ENPP2: variants seen among roughly 807,000 people sequenced by gnomAD.
ENPP2 encodes the protein ectonucleotide pyrophosphatase/phosphodiesterase 2.
In ENPP2, 51 loss-of-function variants were observed where a neutral mutation model predicts 120.2. That is an observed-to-expected ratio of 0.42 (90% CI 0.34 to 0.54). ENPP2 has a LOEUF of 0.54. ENPP2 is among the 20% of genes least tolerant of loss of function. The pLI is 0.04. For synonymous variants in ENPP2, 365 were observed against 366.4 expected (o/e 1.00, Z 0.04); for missense variants, 920 against 1,066.5 (o/e 0.86, Z 1.91).
chr8:119,573,857 A>G (rs1812146062), intron 19 of ENPP2, among the ~76,000 whole-genome samples: 1 of 152,230 alleles, frequency 6.6e-6, no homozygotes, highest in Non-Finnish European at 1.5e-5. Flanking sequence ...ATAGCTTCCA[A>G]GCTATTGTCA....
At chr8:119,644,587 A>AATATATATATATAT (rs33966650) in intron 1 of ENPP2, among the ~76,000 whole-genome samples, 402 of 59,758 alleles carry the variant, frequency 6.7e-3, no homozygotes, top group South Asian at 9.9e-3. Context: ...AGATTACTAA[A>AATATATATATATAT]ATATATATAT....
intron 2 of ENPP2, among the ~76,000 whole-genome samples, chr8:119,633,142 G>T (rs1286622214): frequency 6.6e-6 from 1 of 152,166 alleles, no homozygotes; most frequent in Non-Finnish European, 1.5e-5. Context: ...TTTGGAAGGA[G>T]CCTAACCGAT....
chr8:119,667,707 T>C (rs889628523), intron 1 of ENPP2, among the ~76,000 whole-genome samples: 4 of 152,232 alleles, frequency 2.6e-5, no homozygotes, highest in African/African-American at 4.8e-5. Context: ...GTGGTCTCTG[T>C]CTTACCAGCC....
intron 22 of ENPP2, 93 bp from the exon 23 acceptor site, chr8:119,565,048 A>C: frequency 9.5e-7 from 1 of 1,054,540 alleles, no homozygotes; most frequent in Non-Finnish European, 1.4e-6. Context: ...TACGAGCCAA[A>C]TCTCACAAGC....
chr8:119,588,982 CCCCTCTCTGAG>C (rs1343845215), intron 13 of ENPP2, among the ~76,000 whole-genome samples: 1 of 152,160 alleles, frequency 6.6e-6, no homozygotes, highest in Non-Finnish European at 1.5e-5. Context: ...AGTTCCCTCA[CCCCTCTCTGAG>C]CCTCAATTTC....
rs1394856565 is a variant in ENPP2, at chr8:119,580,176, G to A, written c.1729-9C>T. ...AGTTCATCCAACTTGTTCTTCATGT[G>A]TGAAAACCAGTAAAGGAAAAAAGAA... On this transcript the variant is annotated splice_polypyrimidine_tract_variant and intron_variant, in intron 18 of 24. Coordinates refer to ENST00000075322, the MANE Select transcript of ENPP2 (RefSeq NM_001040092.3). 6.2e-7 allele frequency: 1 copy of A among 1,608,738 alleles called. No homozygotes were observed. Among genetic ancestry groups the A allele is most frequent in the South Asian group, 1.1e-5 (1 of 90,984 alleles).
intron 1 of ENPP2, among the ~76,000 whole-genome samples, chr8:119,668,429 C>CTTTTTTTTTTTTTTTTT (rs5894492): frequency 8.1e-5 from 9 of 110,548 alleles, no homozygotes; most frequent in Non-Finnish European, 1.3e-4. Context: ...TTTTCTTTTT[C>CTTTTTTTTTTTTTTTTT]TTTTTTTTTT....
intron 1 of ENPP2, among the ~76,000 whole-genome samples, chr8:119,671,867 G>A (rs780389388): frequency 3.9e-5 from 6 of 152,198 alleles, no homozygotes; most frequent in Non-Finnish European, 7.3e-5. Context: ...ATGAAGTGAA[G>A]CCCTTTAAGT....
rs1481266448 is a variant in ENPP2, at chr8:119,611,988, C to T, written c.778-4011G>A. 2.6e-5 allele frequency among the ~76,000 whole-genome samples: 4 copies of T among 152,234 alleles called. No homozygotes were observed. The East Asian group carries it at 5.8e-4, about 22-fold the overall frequency. On this transcript the variant is annotated intron_variant, in intron 8 of 24. Coordinates refer to ENST00000075322, the MANE Select transcript of ENPP2 (RefSeq NM_001040092.3). ...AGGTTGCTGTGAGCCGAGACTGTGC[C>T]ACTGCCCTCCAGCCTGGGCGACAGA...
At position 119,607,952 on chromosome 8, in the gene ENPP2, C is replaced by A. The variant is rs140117647; in HGVS notation, c.803G>T (p.Gly268Val). 1.1e-5 allele frequency: 18 copies of A among 1,610,684 alleles called. No homozygotes were observed. The highest frequency in any genetic ancestry group is 1.5e-5 in the Non-Finnish European group (18 of 1,178,192). Reference sequence around the variant, plus strand: ...CCAAAAGAATGTTCCAGCTTTCACCCCTTGCTTGGTGGCTGTAATCCATAG... The same window carrying A: ...CCAAAAGAATGTTCCAGCTTTCACCACTTGCTTGGTGGCTGTAATCCATAG... ...QPLWITATKQ[G>V]VKAGTFFWSV... Residue 268 changes from glycine to valine, a missense_variant, in exon 9 of 25, where the codon GGG becomes GTG. Transcript: ENST00000075322.
At chr8:119,660,900 G>A (rs1177036752) in intron 1 of ENPP2, among the ~76,000 whole-genome samples, 1 of 152,108 alleles carries the variant, frequency 6.6e-6, no homozygotes, top group Non-Finnish European at 1.5e-5. Context: ...CACAACAAAG[G>A]AAACCTTCAA....
chr8:119,657,330 T>A (rs1370674323), intron 1 of ENPP2, among the ~76,000 whole-genome samples: 1 of 152,226 alleles, frequency 6.6e-6, no homozygotes, highest in Non-Finnish European at 1.5e-5. Context: ...CCAGTCTGCA[T>A]CGTTCAAAGT....
intron 3 of ENPP2, among the ~76,000 whole-genome samples, chr8:119,622,018 T>A (rs575175006): frequency 6.6e-6 from 1 of 152,302 alleles, no homozygotes; most frequent in Non-Finnish European, 1.5e-5. Context: ...AACCTCCGCC[T>A]CCCTGGTTCA....
At chr8:119,636,843 A>G (rs1288680818) in intron 2 of ENPP2, among the ~76,000 whole-genome samples, 1 of 152,030 alleles carries the variant, frequency 6.6e-6, no homozygotes, top group African/African-American at 2.4e-5. Flanking sequence ...CTCATTGTAC[A>G]GCTAAGGAAA....
chr8:119,580,447 T>C (rs1282625581), intron 18 of ENPP2: 1 of 436,594 alleles, frequency 2.3e-6, no homozygotes, highest in Admixed American at 4.0e-5. Context: ...ATGTGGGTAC[T>C]GATGATGACT....
chr8:119,644,397 C>A, intron 1 of ENPP2, among the ~76,000 whole-genome samples: 1 of 151,090 alleles, frequency 6.6e-6, no homozygotes, highest in Non-Finnish European at 1.5e-5. Flanking sequence ...AGTATGACTC[C>A]TGAATTAATA....
intron 1 of ENPP2, among the ~76,000 whole-genome samples, chr8:119,652,076 T>C (rs1817642734): frequency 6.6e-6 from 1 of 152,264 alleles, no homozygotes; most frequent in Admixed American, 6.5e-5. Flanking sequence ...CATAAATGTA[T>C]TTTTCATAGT....
At chr8:119,618,549 C>CT (rs1815641868) in intron 5 of ENPP2, 13 of 316,252 alleles carry the variant, frequency 4.1e-5, no homozygotes, top group African/African-American at 2.5e-4. Flanking sequence ...GCCTTGGATG[C>CT]CTTTTTTTTT....
intron 1 of ENPP2, among the ~76,000 whole-genome samples, chr8:119,663,264 CATT>C (rs1288279524): frequency 2.0e-5 from 3 of 152,180 alleles, no homozygotes; most frequent in Non-Finnish European, 4.4e-5. Flanking sequence ...AAATTTAACA[CATT>C]GTCAGTAACC....
Sources: gnomAD v4.1 joint callset for allele counts (sites outside exome capture counted in the v4.1 genomes callset) on GRCh38, gnomAD v4.1.1 for gene constraint, MANE v1.5 for transcripts, NCBI Gene and HGNC (gene_info 2026-07-23, HGNC 2026-07-21) for gene names.